POU2F3: variants seen among roughly 807,000 people sequenced by gnomAD.
The protein encoded by POU2F3 is POU domain, class 2, transcription factor 3.
Under a neutral mutation model 59.2 loss-of-function variants are expected in POU2F3, and 23 were observed. The observed-to-expected ratio is 0.39, with a 90% CI of 0.28 to 0.55. POU2F3 has a LOEUF of 0.55. Ranked by LOEUF, POU2F3 falls within the 20% of genes least tolerant of loss-of-function variation. The pLI, the probability that POU2F3 is intolerant of heterozygous loss-of-function variation, is 0.66. For missense variants in POU2F3, 473 were observed against 544.5 expected, an observed-to-expected ratio of 0.87 and a Z score of 1.31; for synonymous variants, 190 against 214.6, an observed-to-expected ratio of 0.89 and a Z score of 1.00.
intron 2 of POU2F3, among the ~76,000 whole-genome samples, chr11:120,260,822 C>T (rs1419603940): frequency 1.3e-5 from 2 of 152,202 alleles, no homozygotes; most frequent in African/African-American, 4.8e-5. Context: ...AATCCCAGCA[C>T]TTTGGGATGC....
chr11:120,260,485 T>C (rs1439170479), intron 2 of POU2F3, among the ~76,000 whole-genome samples: 1 of 152,252 alleles, frequency 6.6e-6, no homozygotes. Context: ...GACTTTCCTC[T>C]GCAGCACTTC....
intron 3 of POU2F3, among the ~76,000 whole-genome samples, chr11:120,278,239 T>C (rs1307676432): frequency 2.0e-5 from 3 of 152,204 alleles, no homozygotes; most frequent in African/African-American, 7.2e-5. Context: ...AAAAGTTGTA[T>C]GGGATGCAAA....
chr11:120,307,800 G>T (rs977751896), intron 9 of POU2F3, among the ~76,000 whole-genome samples, 185 bp downstream of exon 9: 4 of 152,088 alleles, frequency 2.6e-5, no homozygotes, highest in Non-Finnish European at 5.9e-5. Flanking sequence ...TCCATCTCAG[G>T]TTCCAGGAAC....
chr11:120,246,515 C>T lies in POU2F3; in HGVS notation c.95C>T (p.Pro32Leu). The T allele has an allele frequency of 6.2e-7, 1 of 1,611,314 alleles. No individual in the cohort carries two copies. The highest frequency in any genetic ancestry group is 8.5e-7 in the Non-Finnish European group (1 of 1,179,344). Residue 32 changes from proline to leucine, a missense_variant and splice_region_variant, in exon 2 of 13, where the codon CCA (proline) becomes CTA (leucine). Physicochemically the swap from Pro to Leu is moderately conservative, Grantham distance 98 (BLOSUM62 -3). Transcript: ENST00000543440. ...CGCAGCACTCTCAGCCAGGTGGAGC[C>T]AGGTAAGGGTCTTCTCTTCTCGGGG... ...DARSTLSQVE[P>L]GNDRNGLDFN...
chr11:120,308,216 G>GT (rs1307240341), intron 9 of POU2F3, among the ~76,000 whole-genome samples: 1 of 152,174 alleles, frequency 6.6e-6, no homozygotes, highest in Non-Finnish European at 1.5e-5. Context: ...TGTGGAAGCT[G>GT]TGAGCCCCGT....
intron 10 of POU2F3, among the ~76,000 whole-genome samples, chr11:120,312,348 C>T (rs1941671415): frequency 6.6e-6 from 1 of 152,124 alleles, no homozygotes; most frequent in African/African-American, 2.4e-5. Context: ...GTCTTGAACT[C>T]CTGACTTCAG....
At chr11:120,275,073 A>C (rs891755146) in intron 3 of POU2F3, among the ~76,000 whole-genome samples, 1 of 152,178 alleles carries the variant, frequency 6.6e-6, no homozygotes, top group Non-Finnish European at 1.5e-5. Context: ...GCTGCCACTG[A>C]GGGGTGAGTA....
chr11:120,302,391 T>C, intron 6 of POU2F3, 23 bp downstream of exon 6: 1 of 1,560,694 alleles, frequency 6.4e-7, no homozygotes, highest in South Asian at 1.1e-5. Context: ...ATTCTTCCTG[T>C]TTCCTCTAGG....
chr11:120,319,322 T>A lies in POU2F3; in HGVS notation c.*930T>A, dbSNP rs1405999405. 2.0e-5 allele frequency: 3 copies of A among 152,572 alleles called. No individual in the cohort carries two copies. The highest frequency in any genetic ancestry group is 4.4e-5 in the Non-Finnish European group (3 of 68,046). 9.5% of individuals were successfully genotyped at this position (152,572 alleles called of 1,614,324 possible). The stretch of plus-strand genomic sequence containing the variant: ...AGCAAAATGTTTAACTCAGGTGTGA[T>A]TTTTGAAAATGTCTCTGTAATATTT... On this transcript the variant is annotated 3_prime_UTR_variant, in exon 13 of 13. Transcript: ENST00000543440.
chr11:120,245,780 T>C (rs924654606), intron 1 of POU2F3, among the ~76,000 whole-genome samples: 1 of 152,200 alleles, frequency 6.6e-6, no homozygotes, highest in Non-Finnish European at 1.5e-5. Context: ...TGTGGGGCAC[T>C]GACCCGCTGC....
At position 120,285,905 on chromosome 11, in the gene POU2F3, C is replaced by T. The variant is rs1490259621; in HGVS notation, c.133-12360C>T. Among the ~76,000 whole-genome samples the T allele has an allele frequency of 2.0e-5, 3 of 151,798 alleles. No homozygotes were observed. The highest frequency in any genetic ancestry group is 7.3e-5 in the African/African-American group (3 of 41,324). On this transcript the variant is annotated intron_variant, in intron 3 of 12. Transcript: ENST00000543440. The surrounding 1 kb of genome is among the most constrained non-coding windows in gnomAD (Gnocchi z 4.3). Reference sequence around the variant, plus strand: ...GGGGTTTTTCTGTTTTTTTCTGAGACGGAGTCTTGCTCTGTCACCCAGGCT... The same window carrying T: ...GGGGTTTTTCTGTTTTTTTCTGAGATGGAGTCTTGCTCTGTCACCCAGGCT...
chr11:120,292,048 T>C (rs980252392), intron 3 of POU2F3, among the ~76,000 whole-genome samples: 1 of 152,176 alleles, frequency 6.6e-6, no homozygotes, highest in African/African-American at 2.4e-5. Context: ...GACCTCGTGA[T>C]CCACCAACCT....
At chr11:120,269,881 G>A (rs1261151923) in intron 3 of POU2F3, among the ~76,000 whole-genome samples, 1 of 152,152 alleles carries the variant, frequency 6.6e-6, no homozygotes, top group African/African-American at 2.4e-5. Flanking sequence ...GGGAAGCCGA[G>A]GGAGAGGACT....
intron 11 of POU2F3, among the ~76,000 whole-genome samples, chr11:120,316,809 C>T (rs1311489941): frequency 1.3e-5 from 2 of 152,200 alleles, no homozygotes; most frequent in Non-Finnish European, 2.9e-5. Flanking sequence ...AATCTTTCAT[C>T]GTGCCCTCAA....
At chr11:120,302,263 T>G in intron 5 of POU2F3, 23 bp from the exon 6 acceptor site, 1 of 1,561,004 alleles carries the variant, frequency 6.4e-7, no homozygotes, top group Non-Finnish European at 8.8e-7. Context: ...TGTCTGTTCC[T>G]TTGTCCCTCC....
intron 3 of POU2F3, among the ~76,000 whole-genome samples, chr11:120,287,353 A>G (rs1940819499): frequency 6.6e-6 from 1 of 152,198 alleles, no homozygotes; most frequent in South Asian, 2.1e-4. Flanking sequence ...AGCACTTACT[A>G]AGTGATGGAC....
At chr11:120,280,766 C>T (rs1307197875) in intron 3 of POU2F3, among the ~76,000 whole-genome samples, 2 of 152,216 alleles carry the variant, frequency 1.3e-5, no homozygotes, top group African/African-American at 2.4e-5. Context: ...GTCATACCAA[C>T]ACCCGCAGAC....
intron 3 of POU2F3, among the ~76,000 whole-genome samples, chr11:120,269,755 C>T (rs1352844568): frequency 4.6e-5 from 7 of 152,118 alleles, no homozygotes; most frequent in African/African-American, 1.7e-4. Context: ...GCGCCTGGTG[C>T]TTTGCAAGGA....
At chr11:120,299,243 A>C (rs189781093) in intron 4 of POU2F3, among the ~76,000 whole-genome samples, 39 of 152,352 alleles carry the variant, frequency 2.6e-4, no homozygotes, top group African/African-American at 9.1e-4. Flanking sequence ...GAGATTTAAA[A>C]AGAATTGGAT....
Sources: gnomAD v4.1 joint callset for allele counts (sites outside exome capture counted in the v4.1 genomes callset) on GRCh38, gnomAD v4.1.1 for gene constraint, Gnocchi (gnomAD v3.1) non-coding constraint, MANE v1.5 for transcripts, NCBI Gene and HGNC (gene_info 2026-07-23, HGNC 2026-07-21) for gene names.